DPP10: variants seen among roughly 807,000 people sequenced by gnomAD.
DPP10 encodes the protein dipeptidyl peptidase like 10, also known as inactive dipeptidyl peptidase 10.
A neutral mutation model predicts 120.9 loss-of-function variants in DPP10; 33 were observed. That is an observed-to-expected ratio of 0.27 (90% CI 0.21 to 0.37). DPP10 has a LOEUF of 0.37. Ranked by LOEUF, DPP10 falls within the 10% of genes least tolerant of loss-of-function variation. DPP10 has a pLI of 1.00. For synonymous variants in DPP10, 337 were observed against 326.1 expected (o/e 1.03, Z -0.36); for missense variants, 816 against 942.8 (o/e 0.87, Z 1.76).
At chr2:114,947,788 G>A (rs79574226) in intron 1 of DPP10, among the ~76,000 whole-genome samples, 2,315 of 152,072 alleles carry the variant, frequency 0.015, 60 homozygotes, top group African/African-American at 0.053. Flanking sequence ...AGTTCAAAGT[G>A]TGCTTTTTTT....
chr2:115,533,651 A>G (rs2078610716), intron 5 of DPP10, among the ~76,000 whole-genome samples: 2 of 152,108 alleles, frequency 1.3e-5, no homozygotes, highest in Admixed American at 6.6e-5. Flanking sequence ...ATCTGGTTAT[A>G]GAATTATCTA....
At chr2:114,874,495 C>T (rs947613212) in intron 1 of DPP10, among the ~76,000 whole-genome samples, 1 of 151,882 alleles carries the variant, frequency 6.6e-6, no homozygotes, top group Non-Finnish European at 1.5e-5. Flanking sequence ...ACATAAGCAA[C>T]ACATTTCGGG....
chr2:115,621,044 A>T (rs1193381457), intron 5 of DPP10, among the ~76,000 whole-genome samples: 1 of 152,194 alleles, frequency 6.6e-6, no homozygotes, highest in Non-Finnish European at 1.5e-5. Context: ...TCACCTGGGG[A>T]TAGAAAGATC....
chr2:115,325,839 C>A (rs2062329566), intron 2 of DPP10, among the ~76,000 whole-genome samples: 1 of 151,992 alleles, frequency 6.6e-6, no homozygotes, highest in Admixed American at 6.6e-5. Context: ...AATTCTTTTG[C>A]AATACATTGT....
chr2:115,814,608 A>AAAGGAAAATACAATTTTACG (rs1274769830), intron 19 of DPP10, 185 bp from the exon 20 acceptor site: 46 of 423,170 alleles, frequency 1.1e-4, no homozygotes, highest in Middle Eastern at 6.2e-4. Context: ...ACAGTTTTAC[A>AAAGGAAAATACAATTTTACG]AAGGAAAATA....
intron 1 of DPP10, among the ~76,000 whole-genome samples, chr2:115,129,720 T>C (rs138586894): frequency 7.6e-4 from 116 of 152,340 alleles, no homozygotes; most frequent in Admixed American, 5.8e-3. Context: ...TACTGTTCTC[T>C]GTGTCCTTAC....
At chr2:115,216,506 G>A (rs1304582948) in intron 1 of DPP10, among the ~76,000 whole-genome samples, 1 of 152,148 alleles carries the variant, frequency 6.6e-6, no homozygotes, top group Admixed American at 6.5e-5. Context: ...AGTCAAGGCT[G>A]GGTGCAGTGG....
At chr2:115,712,732 A>G (rs1161482544) in intron 7 of DPP10, among the ~76,000 whole-genome samples, 7 of 151,172 alleles carry the variant, frequency 4.6e-5, no homozygotes, top group African/African-American at 1.5e-4. Flanking sequence ...TAAGATAGAA[A>G]TCAAACCGCT....
At chr2:114,710,993 G>A (rs995519316) in intron 1 of DPP10, among the ~76,000 whole-genome samples, 1 of 152,152 alleles carries the variant, frequency 6.6e-6, no homozygotes, top group African/African-American at 2.4e-5. Context: ...CCTCCTGTGT[G>A]TATGGAGAAA....
chr2:114,557,550 C>A (rs1266711359), intron 1 of DPP10, among the ~76,000 whole-genome samples: 1 of 152,088 alleles, frequency 6.6e-6, no homozygotes, highest in Non-Finnish European at 1.5e-5. Flanking sequence ...AGTCGGCAAG[C>A]CAGCAGTGAG....
intron 1 of DPP10, among the ~76,000 whole-genome samples, chr2:115,203,575 G>A (rs886640440): frequency 6.6e-6 from 1 of 151,942 alleles, no homozygotes; most frequent in African/African-American, 2.4e-5. Flanking sequence ...CCTATTTACA[G>A]CTTCATCTAA....
intron 2 of DPP10, among the ~76,000 whole-genome samples, chr2:115,342,889 C>T (rs2063519611): frequency 6.6e-6 from 1 of 151,914 alleles, no homozygotes; most frequent in Non-Finnish European, 1.5e-5. Flanking sequence ...GACTCTTTGC[C>T]CCAGCCTTTT....
At chr2:115,580,866 A>G (rs11888808) in intron 5 of DPP10, among the ~76,000 whole-genome samples, 2 of 151,862 alleles carry the variant, frequency 1.3e-5, no homozygotes, top group Admixed American at 1.3e-4. Flanking sequence ...ATATTTTTCT[A>G]TTGGGTGTAT....
intron 1 of DPP10, among the ~76,000 whole-genome samples, chr2:115,284,048 A>G (rs1228656220): frequency 6.6e-6 from 1 of 152,044 alleles, no homozygotes; most frequent in East Asian, 1.9e-4. Context: ...TCAGCAATAT[A>G]TAACTATACA....
chr2:114,995,153 T>C (rs988996818), intron 1 of DPP10, among the ~76,000 whole-genome samples: 1 of 152,214 alleles, frequency 6.6e-6, no homozygotes, highest in Non-Finnish European at 1.5e-5. Context: ...AGGAGCCTGC[T>C]GGAGGATGAA....
chr2:114,522,931 C>T (rs946444421), intron 1 of DPP10, among the ~76,000 whole-genome samples: 3 of 152,192 alleles, frequency 2.0e-5, no homozygotes, highest in Admixed American at 1.3e-4. Context: ...AACTTGCCAC[C>T]ATGATTCAAT....
chr2:114,481,016 A>C (rs1039186730), intron 1 of DPP10, among the ~76,000 whole-genome samples: 1 of 151,796 alleles, frequency 6.6e-6, no homozygotes, highest in African/African-American at 2.4e-5. Context: ...AAACATATAA[A>C]GCAGTTAGGG....
In DPP10 at chr2:114,838,003, T is replaced by C. The variant is rs767053546; in HGVS notation, c.60+395165T>C. On this transcript the variant is annotated intron_variant, in intron 1 of 25. Coordinates refer to ENST00000410059, the MANE Select transcript of DPP10 (RefSeq NM_020868.6). ...AAATTAATGGTTAATTTCTCAATCA[T>C]GCAAGTCCAATGAAAGTGTACTAGG... Among the ~76,000 whole-genome samples, 22 of 152,322 alleles carry C rather than the reference T, an allele frequency of 1.4e-4. No individual in the cohort carries two copies. The South Asian group carries it at 2.3e-3, about 16-fold the overall frequency.
intron 3 of DPP10, among the ~76,000 whole-genome samples, chr2:115,363,384 A>G (rs531549953): frequency 2.0e-5 from 3 of 152,368 alleles, no homozygotes; most frequent in South Asian, 2.1e-4. Flanking sequence ...CTTGTAGACC[A>G]TAAGGATTGC....
Sources: allele counts gnomAD v4.1 joint callset (sites outside exome capture counted in the v4.1 genomes callset), GRCh38; gene constraint gnomAD v4.1.1; transcripts MANE v1.5; gene names NCBI Gene and HGNC (gene_info 2026-07-23, HGNC 2026-07-21).